LINGO2: variants seen among roughly 807,000 people sequenced by gnomAD.
The protein encoded by LINGO2 is leucine-rich repeat and immunoglobulin-like domain-containing nogo receptor-interacting protein 2.
In LINGO2, 14 loss-of-function variants were observed where a neutral mutation model predicts 30.6. That is an observed-to-expected ratio of 0.46 (90% CI 0.30 to 0.72). The LOEUF is 0.72. Among genes scored for constraint, LINGO2 ranks in the 30% least tolerant of loss-of-function variants. LINGO2 has a pLI of 0.07. For missense variants in LINGO2, 729 were observed against 751.7 expected, an observed-to-expected ratio of 0.97 and a Z score of 0.35; for synonymous variants, 317 against 288.5, an observed-to-expected ratio of 1.10 and a Z score of -1.00.
intron 2 of LINGO2, among the ~76,000 whole-genome samples, chr9:28,389,617 A>G (rs937099720): frequency 6.6e-6 from 1 of 152,140 alleles, no homozygotes; most frequent in African/African-American, 2.4e-5. Context: ...AGCCCCACTT[A>G]GTGTTGCATC....
chr9:28,701,477 C>A, the LINGO2 span, among the ~76,000 whole-genome samples: 421 of 152,014 alleles, frequency 2.8e-3, 3 homozygotes, highest in African/African-American at 9.6e-3. Flanking sequence ...TTATGTGGAA[C>A]TATTTCTGTG....
the LINGO2 span, among the ~76,000 whole-genome samples, chr9:28,732,151 G>A: frequency 9.7e-4 from 147 of 152,052 alleles, no homozygotes; most frequent in African/African-American, 3.2e-3. Flanking sequence ...TTCTGGTCAG[G>A]GTTTTAAGTG....
intron 4 of LINGO2, among the ~76,000 whole-genome samples, chr9:28,167,735 T>C (rs535752609): frequency 4.1e-4 from 63 of 152,300 alleles, no homozygotes; most frequent in African/African-American, 1.4e-3. Flanking sequence ...TCCAGTTTTC[T>C]AGTGATTATG....
the LINGO2 span, among the ~76,000 whole-genome samples, chr9:28,701,684 GT>G: frequency 6.6e-6 from 1 of 151,688 alleles, no homozygotes; most frequent in Non-Finnish European, 1.5e-5. Flanking sequence ...AAAATAACAT[GT>G]TGGGATTTGA....
chr9:28,040,963 G>A (rs1029442044), intron 4 of LINGO2, among the ~76,000 whole-genome samples: 5 of 152,134 alleles, frequency 3.3e-5, no homozygotes, highest in Non-Finnish European at 4.4e-5. Context: ...TATCAATTTG[G>A]CAGGAAAGAC....
intron 4 of LINGO2, among the ~76,000 whole-genome samples, chr9:28,026,049 G>A (rs1823360354): frequency 6.6e-6 from 1 of 152,096 alleles, no homozygotes; most frequent in Non-Finnish European, 1.5e-5. Flanking sequence ...TTTACTTACT[G>A]TGTTCTAGCT....
At chr9:29,082,821 T>C in the LINGO2 span, among the ~76,000 whole-genome samples, 2 of 151,966 alleles carry the variant, frequency 1.3e-5, no homozygotes, top group Non-Finnish European at 2.9e-5. Flanking sequence ...AGCCAACAGA[T>C]ACATGAAAAA....
At chr9:29,183,683 T>C in the LINGO2 span, among the ~76,000 whole-genome samples, 1 of 152,070 alleles carries the variant, frequency 6.6e-6, no homozygotes, top group African/African-American at 2.4e-5. Context: ...GAATAAATTA[T>C]TTTTCCCTTG....
chr9:28,233,533 T>C (rs1821448450), intron 4 of LINGO2, among the ~76,000 whole-genome samples: 1 of 152,096 alleles, frequency 6.6e-6, no homozygotes. Context: ...TAAAATTATA[T>C]TTATCGTTAT....
At chr9:29,038,347 A>G in the LINGO2 span, among the ~76,000 whole-genome samples, 5 of 152,142 alleles carry the variant, frequency 3.3e-5, no homozygotes, top group Non-Finnish European at 1.5e-5. Context: ...GTTTACTTAT[A>G]AGGTTGATCA....
chr9:28,986,259 A>G, the LINGO2 span, among the ~76,000 whole-genome samples: 1 of 151,948 alleles, frequency 6.6e-6, no homozygotes, highest in South Asian at 2.1e-4. Flanking sequence ...TTCCAGTACC[A>G]TGTTATTTTA....
intron 4 of LINGO2, among the ~76,000 whole-genome samples, chr9:28,226,727 G>A (rs1821183444): frequency 6.6e-6 from 1 of 151,682 alleles, no homozygotes; most frequent in Non-Finnish European, 1.5e-5. Flanking sequence ...AAGAAAGAGA[G>A]GAAACTGCAT....
At position 27,956,233 on chromosome 9, in the gene LINGO2, C is replaced by T. The variant is rs137998368; in HGVS notation, c.-35-5527G>A. Among the ~76,000 whole-genome samples, 585 of 152,240 alleles carry T rather than the reference C, an allele frequency of 3.8e-3. 2 individuals are homozygous for T. The highest frequency in any genetic ancestry group is 0.013 in the African/African-American group (541 of 41,546). ...TTGGGATTACAGGCGTGAGTCACTG[C>T]GCCTGGCCGACTGTCTTTTATATGT... On this transcript the variant is annotated intron_variant, in intron 5 of 5. Coordinates refer to ENST00000379992, the Ensembl canonical transcript of LINGO2.
intron 3 of LINGO2, among the ~76,000 whole-genome samples, chr9:28,351,790 A>G (rs1240550802): frequency 6.6e-6 from 1 of 152,082 alleles, no homozygotes; most frequent in Non-Finnish European, 1.5e-5. Context: ...CACATCAAGA[A>G]GCTTATCCAC....
chr9:29,199,632 G>T, the LINGO2 span, among the ~76,000 whole-genome samples: 1 of 152,026 alleles, frequency 6.6e-6, no homozygotes, highest in East Asian at 1.9e-4. Flanking sequence ...AAAAATGCTG[G>T]GAAAACTTTC....
upstream of LINGO2, among the ~76,000 whole-genome samples, chr9:28,672,435 C>A (rs1829057736): frequency 6.6e-6 from 1 of 152,134 alleles, no homozygotes; most frequent in African/African-American, 2.4e-5. Flanking sequence ...GTAACAAGTG[C>A]TGTGATAGGC....
At position 28,572,540 on chromosome 9, in the gene LINGO2, T is replaced by C. The variant is rs373544571; in HGVS notation, c.-364-96515A>G. The stretch of plus-strand genomic sequence containing the variant: ...GGCCGCTCTTCATGGTCTGCTCTTG[T>C]CCTAAAGCACAAGCAATTGGTGTGA... On this transcript the variant is annotated intron_variant, in intron 1 of 5. Transcript: ENST00000379992. 3.9e-5 allele frequency among the ~76,000 whole-genome samples: 6 copies of C among 152,220 alleles called. No homozygotes were observed. In the South Asian group the frequency reaches 1.2e-3, roughly 32 times the overall value.
the LINGO2 span, among the ~76,000 whole-genome samples, chr9:28,813,213 C>A: frequency 2.0e-4 from 31 of 152,174 alleles, no homozygotes; most frequent in South Asian, 1.5e-3. Flanking sequence ...CCAGCCCCCC[C>A]CAATTAGCTG....
intron 2 of LINGO2, among the ~76,000 whole-genome samples, chr9:28,381,021 A>G (rs1319690029): frequency 2.6e-5 from 4 of 152,064 alleles, no homozygotes; most frequent in Admixed American, 6.6e-5. Flanking sequence ...GGAACACAGT[A>G]AACACCATTT....
Sources: gnomAD v4.1 joint callset for allele counts (sites outside exome capture counted in the v4.1 genomes callset) on GRCh38, gnomAD v4.1.1 for gene constraint, MANE v1.5 for transcripts, NCBI Gene and HGNC (gene_info 2026-07-23, HGNC 2026-07-21) for gene names.